The following GRIA4 variants were observed in gnomAD, a reference collection of about 807,000 sequenced individuals.
GRIA4 encodes glutamate ionotropic receptor AMPA type subunit 4, also known as glutamate receptor 4.
In GRIA4, 34 loss-of-function variants were observed where a neutral mutation model predicts 104.0. The ratio of observed to expected loss-of-function variants is 0.33; its 90% confidence interval spans 0.25 to 0.44. GRIA4 has a LOEUF of 0.44. Among genes scored for constraint, GRIA4 ranks in the 20% least tolerant of loss-of-function variants. The pLI, the probability that GRIA4 is intolerant of heterozygous loss-of-function variation, is 1.00. For synonymous variants in GRIA4, 386 were observed against 381.9 expected, an observed-to-expected ratio of 1.01 and a Z score of -0.13; for missense variants, 750 against 1,096.5, an observed-to-expected ratio of 0.68 and a Z score of 4.46.
intron 4 of GRIA4, among the ~76,000 whole-genome samples, chr11:105,858,390 G>A (rs190581066): frequency 6.6e-6 from 1 of 152,172 alleles, no homozygotes; most frequent in East Asian, 1.9e-4. Context: ...GTACATAGTA[G>A]CTGTGTATAT....
At chr11:105,856,522 C>A (rs1945012911) in intron 4 of GRIA4, among the ~76,000 whole-genome samples, 1 of 152,124 alleles carries the variant, frequency 6.6e-6, no homozygotes, top group Non-Finnish European at 1.5e-5. Flanking sequence ...AGCCTCCACA[C>A]AACCGTTCCA....
intron 16 of GRIA4, among the ~76,000 whole-genome samples, chr11:105,975,912 G>A (rs567161): frequency 0.57 from 86,413 of 151,814 alleles, 24,624 homozygotes; most frequent in Middle Eastern, 0.63. Context: ...GTTCCAAAAC[G>A]ATTCTTTCCA....
At chr11:105,661,288 G>T (rs1364875434) in intron 3 of GRIA4, among the ~76,000 whole-genome samples, 1 of 151,538 alleles carries the variant, frequency 6.6e-6, no homozygotes, top group Non-Finnish European at 1.5e-5. Flanking sequence ...CATAGAAAGA[G>T]AAGTATAGGA....
intron 4 of GRIA4, among the ~76,000 whole-genome samples, chr11:105,821,256 A>G (rs1191888790): frequency 6.6e-6 from 1 of 152,172 alleles, no homozygotes; most frequent in East Asian, 1.9e-4. Context: ...AATCTGAATG[A>G]TTTAGTTAAA....
intron 16 of GRIA4, chr11:105,974,738 C>A: frequency 3.6e-6 from 2 of 556,192 alleles, no homozygotes; most frequent in South Asian, 2.3e-5. Context: ...CTTTATGTTG[C>A]CAATAGATAT....
chr11:105,766,297 T>C (rs1183070701), intron 4 of GRIA4, among the ~76,000 whole-genome samples: 1 of 152,174 alleles, frequency 6.6e-6, no homozygotes, highest in Non-Finnish European at 1.5e-5. Flanking sequence ...GTAAGAGATA[T>C]GTCTATGAAG....
At chr11:105,631,049 G>A (rs963841235) in intron 3 of GRIA4, among the ~76,000 whole-genome samples, 1 of 152,088 alleles carries the variant, frequency 6.6e-6, no homozygotes, top group African/African-American at 2.4e-5. Flanking sequence ...TCCCCACCTT[G>A]TTTATTACAA....
chr11:105,786,946 C>A (rs1941993582), intron 4 of GRIA4, among the ~76,000 whole-genome samples: 1 of 152,192 alleles, frequency 6.6e-6, no homozygotes, highest in African/African-American at 2.4e-5. Context: ...AGAGCCAACA[C>A]TCACCCCCAT....
At chr11:105,703,013 T>C (rs1487067401) in intron 3 of GRIA4, among the ~76,000 whole-genome samples, 1 of 152,142 alleles carries the variant, frequency 6.6e-6, no homozygotes, top group Non-Finnish European at 1.5e-5. Flanking sequence ...CAGTGTCAAC[T>C]TGCTAGAAAA....
chr11:105,619,102 AT>A (rs1950675233), intron 3 of GRIA4, among the ~76,000 whole-genome samples: 1 of 150,550 alleles, frequency 6.6e-6, no homozygotes. Flanking sequence ...CCCCATAGAG[AT>A]TCTAATACAT....
At chr11:105,960,532 G>A (rs185698020) in intron 14 of GRIA4, among the ~76,000 whole-genome samples, 210 of 152,310 alleles carry the variant, frequency 1.4e-3, no homozygotes, top group African/African-American at 5.0e-3. Flanking sequence ...AGAAATGGGT[G>A]CTGCCCTTCC....
intron 4 of GRIA4, among the ~76,000 whole-genome samples, chr11:105,837,768 T>C (rs1944248416): frequency 6.6e-6 from 1 of 152,124 alleles, no homozygotes; most frequent in Non-Finnish European, 1.5e-5. Context: ...ATTATTATAT[T>C]TATTGTTTTT....
chr11:105,860,280 G>A (rs551536920), intron 4 of GRIA4, among the ~76,000 whole-genome samples: 1 of 152,202 alleles, frequency 6.6e-6, no homozygotes, highest in East Asian at 1.9e-4. Context: ...CATCAGTAAT[G>A]TTTGGAACTC....
intron 3 of GRIA4, among the ~76,000 whole-genome samples, chr11:105,670,535 A>G (rs1398796406): frequency 6.6e-6 from 1 of 152,118 alleles, no homozygotes; most frequent in Non-Finnish European, 1.5e-5. Context: ...TTACCTTCTC[A>G]GCAGTTACAA....
chr11:105,648,717 C>T (rs1322056334), intron 3 of GRIA4, among the ~76,000 whole-genome samples: 1 of 152,094 alleles, frequency 6.6e-6, no homozygotes, highest in South Asian at 2.1e-4. Flanking sequence ...CAAATGAGTG[C>T]CACTATTCTC....
At chr11:105,863,276 T>C (rs186219889) in intron 5 of GRIA4, among the ~76,000 whole-genome samples, 3 of 151,812 alleles carry the variant, frequency 2.0e-5, no homozygotes, top group Non-Finnish European at 2.9e-5. Context: ...AAGTGAAAAG[T>C]AAAAGAAAAC....
chr11:105,955,204 A>G (rs972839812), intron 14 of GRIA4, among the ~76,000 whole-genome samples: 3 of 152,058 alleles, frequency 2.0e-5, no homozygotes, highest in African/African-American at 7.2e-5. Context: ...CAGATTTGTT[A>G]CAAAGGTATA....
intron 3 of GRIA4, among the ~76,000 whole-genome samples, chr11:105,654,574 G>A (rs1951787509): frequency 1.3e-5 from 2 of 152,054 alleles, no homozygotes; most frequent in East Asian, 1.9e-4. Context: ...CTTTTTGGGT[G>A]GGATTGACAG....
intron 5 of GRIA4, among the ~76,000 whole-genome samples, chr11:105,873,527 T>C (rs1945693853): frequency 6.6e-6 from 1 of 152,128 alleles, no homozygotes; most frequent in Non-Finnish European, 1.5e-5. Context: ...TTGAACTAAT[T>C]TACACTCCCT....
Sources: allele counts gnomAD v4.1 joint callset (sites outside exome capture counted in the v4.1 genomes callset), GRCh38; gene constraint gnomAD v4.1.1; transcripts MANE v1.5; gene names NCBI Gene and HGNC (gene_info 2026-07-23, HGNC 2026-07-21).